TSEN54: variants seen among roughly 807,000 people sequenced by gnomAD.
TSEN54 encodes the protein tRNA splicing endonuclease subunit 54.
In TSEN54, 55 loss-of-function variants were observed where a neutral mutation model predicts 61.9. That is an observed-to-expected ratio of 0.89 (90% CI 0.72 to 1.11). TSEN54 has a LOEUF of 1.11. Ranked by LOEUF, TSEN54 falls within the 50% of genes most tolerant of loss-of-function variation. The pLI is 0.00. For synonymous variants in TSEN54, 304 were observed against 288.7 expected (o/e 1.05, Z -0.54); for missense variants, 760 against 687.7 (o/e 1.11, Z -1.18).
chr17:75,516,674 A>G, intron 1 of TSEN54, 58 bp downstream of exon 1: 1 of 1,223,958 alleles, frequency 8.2e-7, no homozygotes, highest in Non-Finnish European at 1.0e-6. Flanking sequence ...GCGGGTAGGG[A>G]AACCGGCGCC....
intron 5 of TSEN54, 75 bp downstream of exon 5, chr17:75,517,730 G>A (rs955345295): frequency 3.9e-6 from 5 of 1,288,864 alleles, no homozygotes; most frequent in Non-Finnish European, 5.6e-6. Context: ...CCCATAAGGT[G>A]CCAGGCACAG....
Position 75,523,733 on chromosome 17 carries a change from C to G in TSEN54, c.1384C>G (p.Arg462Gly). ...CCAGGCCGACGCTGTGGCCACATTC[C>G]GAAAGAATAACCCTGGCAAACCCTA... ...VYQADAVATFRKNNPGKPYAR... is the reference protein window; with the variant it reads ...VYQADAVATFGKNNPGKPYAR... Residue 462 changes from arginine to glycine, a missense_variant, in exon 10 of 11, where the codon CGA becomes GGA. By Grantham distance (125) the Arg-to-Gly change is moderately radical. Coordinates refer to ENST00000333213, the MANE Select transcript of TSEN54 (RefSeq NM_207346.3). 1 of 1,614,082 alleles carries G rather than the reference C, an allele frequency of 6.2e-7. No homozygotes were observed. The highest frequency in any genetic ancestry group is 1.1e-5 in the South Asian group (1 of 91,078).
At position 75,521,815 on chromosome 17, in the gene TSEN54, C is replaced by T. The variant is rs1276301439; in HGVS notation, c.734C>T (p.Pro245Leu). The change falls in exon 8 of 11, where the codon CCC (proline) becomes CTC (leucine). Residue 245 changes from proline (P) to leucine (L), a missense_variant. This residue lies in a region of TSEN54 where 667 missense variants were observed against 577.8 expected (regional missense o/e 1.15). Coordinates refer to ENST00000333213, the MANE Select transcript of TSEN54 (RefSeq NM_207346.3). Reference protein sequence around the residue: ...SQPSQCPEEKPQESSPMKGPG... With the variant: ...SQPSQCPEEKLQESSPMKGPG... ...CCCAGCCAATGCCCAGAGGAGAAAC[C>T]CCAGGAGTCAAGCCCCATGAAGGGC... is the stretch of plus-strand genomic sequence containing the variant. 6 of 1,613,066 alleles carry T rather than the reference C, an allele frequency of 3.7e-6. No homozygotes were observed. Among genetic ancestry groups the T allele is most frequent in the Non-Finnish European group, 5.1e-6 (6 of 1,179,978 alleles).
chr17:75,521,966 C>T lies in TSEN54; in HGVS notation c.885C>T (p.Arg295=), dbSNP rs1410411397. The T allele has an allele frequency of 4.3e-6, 7 of 1,609,422 alleles. No individual in the cohort carries two copies. The highest frequency in any genetic ancestry group is 4.2e-6 in the Non-Finnish European group (5 of 1,178,648). Residue 295 remains arginine, a synonymous_variant, in exon 8 of 11, where the codon CGC becomes CGT. Coordinates refer to ENST00000333213, the MANE Select transcript of TSEN54 (RefSeq NM_207346.3). The part of the protein sequence containing the change: ...ENGVTGAGKR[R]WNFEQISFPN... The stretch of plus-strand genomic sequence containing the variant: ...GAGTCACGGGAGCCGGTAAGCGGCG[C>T]TGGAACTTCGAGCAGATCTCCTTCC...
rs1452630857 is a variant in TSEN54 at position 75,521,928 on chromosome 17, A to G, written c.847A>G (p.Arg283Gly). The change falls in exon 8 of 11, where the codon AGA becomes GGA. Residue 283 changes from arginine (R) to glycine (G), a missense_variant. Coordinates refer to ENST00000333213, the MANE Select transcript of TSEN54 (RefSeq NM_207346.3). ...GGTGGGGTGCAGCTGGGAGAGTGGC[A>G]GAGCCGAGAACGGAGTCACGGGAGC... ...EGVGCSWESG[R>G]AENGVTGAGK... 1.9e-6 allele frequency: 3 copies of G among 1,610,338 alleles called. No homozygotes were observed. The highest frequency in any genetic ancestry group is 2.5e-6 in the Non-Finnish European group (3 of 1,179,020).
chr17:75,517,312 GA>G, intron 4 of TSEN54, 68 bp downstream of exon 4: 3 of 1,521,898 alleles, frequency 2.0e-6, no homozygotes, highest in Middle Eastern at 2.2e-4. Context: ...TTTTATCGGA[GA>G]AAAAGCACAC....
intron 9 of TSEN54, 147 bp from the exon 10 acceptor site, chr17:75,523,515 TG>T: frequency 4.4e-6 from 7 of 1,601,832 alleles, no homozygotes; most frequent in Non-Finnish European, 8.5e-7. Flanking sequence ...GAATAACCAG[TG>T]GGTTAGCCCA....
chr17:75,517,708 T>C, intron 5 of TSEN54, 53 bp downstream of exon 5: 2 of 1,449,280 alleles, frequency 1.4e-6, no homozygotes, highest in Non-Finnish European at 1.9e-6. Flanking sequence ...AATCAATGAG[T>C]ATTGACAAGT....
rs1385179409 is a variant in TSEN54 at position 75,522,245 on chromosome 17, G to GCAGGTGCAGAGGAGC, written c.1168_1182dup (p.Val390_Gln394dup). ...AGTACAAGGAGCTGCTGCAGCGGCG[G>GCAGGTGCAGAGGAGC]CAGGTGCAGAGGAGCCAGCGCCGGG... On this transcript the variant is annotated inframe_insertion, in exon 8 of 11. Coordinates refer to ENST00000333213, the MANE Select transcript of TSEN54 (RefSeq NM_207346.3). The GCAGGTGCAGAGGAGC allele has an allele frequency of 6.5e-7, 1 of 1,547,514 alleles. No individual in the cohort carries two copies. The highest frequency in any genetic ancestry group is 1.4e-5 in the African/African-American group (1 of 72,994).
Position 75,517,565 on chromosome 17 carries a change from C to G in TSEN54, c.378C>G (p.Ile126Met). 6.2e-7 allele frequency: 1 copy of G among 1,613,762 alleles called. No homozygotes were observed. The highest frequency in any genetic ancestry group is 8.5e-7 in the Non-Finnish European group (1 of 1,179,982). The change falls in exon 5 of 11, where the codon ATC becomes ATG. Residue 126 changes from isoleucine to methionine, a missense_variant. Ile to Met is a conservative substitution (Grantham distance 10, BLOSUM62 1). Transcript: ENST00000333213. Reference sequence around the variant, plus strand: ...GTTGGCCCCACTTCCAGGGCTCCATCCACCTCTTCCACCAAGACCTGCCAC... The same window carrying G: ...GTTGGCCCCACTTCCAGGGCTCCATGCACCTCTTCCACCAAGACCTGCCAC... ...EALYLLECGS[I>M]HLFHQDLPLS...
chr17:75,521,520 A>C lies in TSEN54; in HGVS notation c.623+10A>C. Reference sequence around the variant, plus strand: ...GCAGCTCCAGCCCTCGGTAACTCCCACATCACGGTGGCCCCCCAGGGAGTG... The same window carrying C: ...GCAGCTCCAGCCCTCGGTAACTCCCCCATCACGGTGGCCCCCCAGGGAGTG... On this transcript the variant is annotated intron_variant, in intron 7 of 10. Transcript: ENST00000333213. The C allele has an allele frequency of 6.2e-7, 1 of 1,613,326 alleles. No homozygotes were observed. Among genetic ancestry groups the C allele is most frequent in the Non-Finnish European group, 8.5e-7 (1 of 1,179,356 alleles).
At chr17:75,521,049 A>G (rs2053422275) in intron 6 of TSEN54, among the ~76,000 whole-genome samples, 1 of 152,286 alleles carries the variant, frequency 6.6e-6, no homozygotes, top group South Asian at 2.1e-4. Flanking sequence ...GAGTGAAAAA[A>G]AAGATCACAA....
Position 75,521,830 on chromosome 17 carries a change from C to A in TSEN54, c.749C>A (p.Pro250His). 6 of 1,612,836 alleles carry A rather than the reference C, an allele frequency of 3.7e-6. No homozygotes were observed. The highest frequency in any genetic ancestry group is 5.1e-6 in the Non-Finnish European group (6 of 1,179,906). The change falls in exon 8 of 11, where the codon CCC becomes CAC. Residue 250 changes from proline to histidine, a missense_variant. Transcript: ENST00000333213. ...GAGGAGAAACCCCAGGAGTCAAGCC[C>A]CATGAAGGGCCCAGGGGGCCCCTTT... ...CPEEKPQESS[P>H]MKGPGGPFQL...
intron 4 of TSEN54, 61 bp from the exon 5 acceptor site, chr17:75,517,496 C>T (rs1432119866): frequency 3.4e-6 from 5 of 1,487,024 alleles, no homozygotes; most frequent in Non-Finnish European, 4.7e-6. Flanking sequence ...GGGAAGTTGC[C>T]CCATTCCTCT....
chr17:75,520,415 C>CAAAAAAAAAA (rs917844314), intron 6 of TSEN54, among the ~76,000 whole-genome samples: 1 of 91,796 alleles, frequency 1.1e-5, no homozygotes. Flanking sequence ...ACTAAAATAC[C>CAAAAAAAAAA]AAAAAAAAAA....
chr17:75,524,242 C>G lies in TSEN54; in HGVS notation c.1431-20C>G. 3 of 1,614,108 alleles carry G rather than the reference C, an allele frequency of 1.9e-6. No individual in the cohort carries two copies. Among genetic ancestry groups the G allele is most frequent in the Non-Finnish European group, 2.5e-6 (3 of 1,180,014 alleles). Reference sequence around the variant, plus strand: ...GAGTGGGCTATGGCTGGGTCTCACTCTAACCCTTTGTCCCTGCAGATTTGA... The same window carrying G: ...GAGTGGGCTATGGCTGGGTCTCACTGTAACCCTTTGTCCCTGCAGATTTGA... On this transcript the variant is annotated intron_variant, in intron 10 of 10. Coordinates refer to ENST00000333213, the MANE Select transcript of TSEN54 (RefSeq NM_207346.3).
At position 75,517,023 on chromosome 17, in the gene TSEN54, C is replaced by T. The variant is rs1231860113; in HGVS notation, c.236C>T (p.Ala79Val). The T allele has an allele frequency of 6.3e-7, 1 of 1,590,868 alleles. No individual in the cohort carries two copies. Among genetic ancestry groups the T allele is most frequent in the African/African-American group, 1.3e-5 (1 of 74,652 alleles). ...QRVERLGSLV[A>V]AEWRPEEGFV... ...CTCCTCGCCAGGGGCAGCTTGGTGG[C>T]TGCCGAGTGGAGGCCAGAAGAGGGC... Residue 79 changes from alanine to valine, a missense_variant, in exon 3 of 11, where the codon GCT becomes GTT. Coordinates refer to ENST00000333213, the MANE Select transcript of TSEN54 (RefSeq NM_207346.3).
chr17:75,521,933 CGAGA>C lies in TSEN54; in HGVS notation c.853_856del (p.Glu285ThrfsTer56). On this transcript the variant is annotated frameshift_variant, in exon 8 of 11. Transcript: ENST00000333213. LOFTEE classifies it high-confidence loss of function. The stretch of plus-strand genomic sequence containing the variant: ...GGTGCAGCTGGGAGAGTGGCAGAGC[CGAGA>C]ACGGAGTCACGGGAGCCGGTAAGCG... 1 of 1,610,384 alleles carries C rather than the reference CGAGA, an allele frequency of 6.2e-7. No individual in the cohort carries two copies. Among genetic ancestry groups the C allele is most frequent in the Non-Finnish European group, 8.5e-7 (1 of 1,179,048 alleles).
Position 75,517,665 on chromosome 17 carries a change from A to G in TSEN54, c.468+10A>G, listed in dbSNP as rs1357916727. On this transcript the variant is annotated intron_variant, in intron 5 of 10. Transcript: ENST00000333213. ...CTTCCTGCAGTACCAGGTATCTGCC[A>G]CCACCCCGCCTCCGGGAGCCACCCA... is the stretch of plus-strand genomic sequence containing the variant. 2.9e-5 allele frequency: 47 copies of G among 1,610,862 alleles called. No individual in the cohort carries two copies. The highest frequency in any genetic ancestry group is 3.9e-5 in the Non-Finnish European group (46 of 1,177,940).
Sources: gnomAD v4.1 joint callset for allele counts (sites outside exome capture counted in the v4.1 genomes callset) on GRCh38, gnomAD v4.1.1 for gene constraint, gnomAD v4.1.1 regional missense constraint, MANE v1.5 for transcripts, NCBI Gene and HGNC (gene_info 2026-07-23, HGNC 2026-07-21) for gene names.